The following WEE1 variants were observed in gnomAD, a reference collection of about 807,000 sequenced individuals.
The protein encoded by WEE1 is WEE1 G2 checkpoint kinase.
In WEE1, 16 loss-of-function variants were observed where a neutral mutation model predicts 68.8. The ratio of observed to expected loss-of-function variants is 0.23; its 90% CI spans 0.16 to 0.35. The LOEUF (loss-of-function observed/expected upper bound fraction) is 0.35, where lower values mean the gene tolerates loss of function less well. WEE1 is among the 10% of genes least tolerant of loss of function. WEE1 has a pLI of 1.00. For synonymous variants in WEE1, 349 were observed against 318.7 expected, an observed-to-expected ratio of 1.09 and a Z score of -1.01; for missense variants, 651 against 824.1, an observed-to-expected ratio of 0.79 and a Z score of 2.57.
Position 9,576,777 on chromosome 11 carries a change from T to A in WEE1, c.1019+118T>A. On this transcript the variant is annotated intron_variant, in intron 4 of 10. Coordinates refer to ENST00000450114, the MANE Select transcript of WEE1 (RefSeq NM_003390.4). The surrounding 1 kb of genome is among the most constrained non-coding windows in gnomAD (Gnocchi z 4.3). ...TAACTTTTGAGAAGCTGTAATGATT[T>A]AATCAGGTCCTTTTCACTTAATACC... 9.2e-7 allele frequency: 1 copy of A among 1,091,128 alleles called. No individual in the cohort carries two copies. Among genetic ancestry groups the A allele is most frequent in the Non-Finnish European group, 1.3e-6 (1 of 767,944 alleles). The allele number at this position is 1,091,128 out of a possible 1,614,324, so 67.6% of individuals were successfully genotyped here. A position where few individuals can be genotyped will look rare whatever the true frequency, so the allele number is the denominator to read the frequency against.
chr11:9,586,965 T>C (rs1364446070), intron 10 of WEE1, 109 bp downstream of exon 10: 1 of 1,311,296 alleles, frequency 7.6e-7, no homozygotes, highest in Admixed American at 2.8e-5. Context: ...AGTGGTTTTT[T>C]GTGTTTTTTG....
Position 9,574,292 on chromosome 11 carries a change from G to C in WEE1, c.359G>C (p.Gly120Ala). 7.9e-7 allele frequency: 1 copy of C among 1,258,286 alleles called. No homozygotes were observed. Among genetic ancestry groups the C allele is most frequent in the South Asian group, 3.2e-5 (1 of 31,666 alleles). 77.9% of individuals were successfully genotyped at this position (1,258,286 alleles called of 1,614,324 possible). A position where few individuals can be genotyped will look rare whatever the true frequency, so the allele number is the denominator to read the frequency against. ...EGDSWEEEGF[G>A]SSSPVKSPAA... is the part of the protein sequence containing the mutation. Reference sequence around the variant, plus strand: ...GACTCGTGGGAGGAGGAGGGCTTCGGCTCCTCGTCGCCGGTCAAGTCGCCG... The same window carrying C: ...GACTCGTGGGAGGAGGAGGGCTTCGCCTCCTCGTCGCCGGTCAAGTCGCCG... The change falls in exon 1 of 11, where the codon GGC (glycine) becomes GCC (alanine). Residue 120 changes from glycine to alanine, a missense_variant. Physicochemically the swap from Gly to Ala is moderately conservative, Grantham distance 60. This residue lies in a region of WEE1 where 395 missense variants were observed against 378.4 expected (regional missense o/e 1.04). Coordinates refer to ENST00000450114, the MANE Select transcript of WEE1 (RefSeq NM_003390.4). This position sits in a 1 kb window ranked among gnomAD's most constrained non-coding sequence, Gnocchi z 4.9.
intron 6 of WEE1, among the ~76,000 whole-genome samples, chr11:9,584,710 T>G (rs1367721448): frequency 6.6e-6 from 1 of 152,170 alleles, no homozygotes; most frequent in Non-Finnish European, 1.5e-5. Context: ...CCTTTTTTGC[T>G]GAAGGGTAAT....
Position 9,577,221 on chromosome 11 carries a change from G to A in WEE1, c.1099G>A (p.Ala367Thr). 6.2e-7 allele frequency: 1 copy of A among 1,613,944 alleles called. No homozygotes were observed. The highest frequency in any genetic ancestry group is 8.5e-7 in the Non-Finnish European group (1 of 1,179,870). ...TGTAGTTCGATATTTCTCTGCGTGGGCAGAAGATGATCATATGCTTATACA... is the reference window on the plus strand; with the variant it reads ...TGTAGTTCGATATTTCTCTGCGTGGACAGAAGATGATCATATGCTTATACA... ...SHVVRYFSAW[A>T]EDDHMLIQNE... Residue 367 changes from alanine to threonine, a missense_variant, in exon 5 of 11, where the codon GCA becomes ACA. Coordinates refer to ENST00000450114, the MANE Select transcript of WEE1 (RefSeq NM_003390.4).
intron 6 of WEE1, among the ~76,000 whole-genome samples, chr11:9,583,798 CACACATATATATATATATATAT>C (rs1274843948): frequency 0.013 from 286 of 22,094 alleles, 1 homozygote; most frequent in Middle Eastern, 0.033. Context: ...CACACACACA[CACACATATATATATATATATAT>C]ATATATATAT....
chr11:9,581,487 A>T (rs745905469), intron 5 of WEE1, 45 bp from the exon 6 acceptor site: 1 of 1,548,508 alleles, frequency 6.5e-7, no homozygotes. Flanking sequence ...AAGAAAGAAA[A>T]TATTTCAGAA....
At position 9,585,320 on chromosome 11, in the gene WEE1, G is replaced by T. The variant is rs748540296; in HGVS notation, c.1351G>T (p.Asp451Tyr). The change falls in exon 7 of 11, where the codon GAT becomes TAT. Residue 451 changes from aspartate to tyrosine, a missense_variant. By Grantham distance (160) the Asp-to-Tyr change is radical (BLOSUM62 -3). This residue lies in a region of WEE1 where 82 missense variants were observed against 123.2 expected (regional missense o/e 0.67). Coordinates refer to ENST00000450114, the MANE Select transcript of WEE1 (RefSeq NM_003390.4). ...TGCCTCTGAAGAAGGAGACGAAGAT[G>T]ATTGGGCATCCAACAAAGTTATGTT... is the stretch of plus-strand genomic sequence containing the variant. The part of the protein sequence containing the change: ...NAASEEGDED[D>Y]WASNKVMFKI... 9 of 1,613,958 alleles carry T rather than the reference G, an allele frequency of 5.6e-6. No homozygotes were observed. The East Asian group carries it at 2.0e-4, about 36-fold the overall frequency.
intron 10 of WEE1, among the ~76,000 whole-genome samples, chr11:9,587,752 G>C (rs1849717561): frequency 6.6e-6 from 1 of 152,036 alleles, no homozygotes; most frequent in South Asian, 2.1e-4. Context: ...CAGCCATTTT[G>C]CTTTTAACCT....
rs1306535515 is a variant in WEE1, at chr11:9,574,670, G to A, written c.576+161G>A. On this transcript the variant is annotated intron_variant, in intron 1 of 10. Coordinates refer to ENST00000450114, the MANE Select transcript of WEE1 (RefSeq NM_003390.4). This position sits in a 1 kb window ranked among gnomAD's most constrained non-coding sequence, Gnocchi z 4.9. ...GCCCTTGTGTTTGGCCCTGCCCCGA[G>A]GTTGTCCGTTGAGATTATGTAACTG... 9.0e-7 allele frequency: 1 copy of A among 1,106,752 alleles called. No homozygotes were observed. Among genetic ancestry groups the A allele is most frequent in the Non-Finnish European group, 1.1e-6 (1 of 909,240 alleles). 68.6% of individuals were successfully genotyped at this position (1,106,752 alleles called of 1,614,324 possible).
At chr11:9,585,751 T>C (rs1159807505) in intron 8 of WEE1, among the ~76,000 whole-genome samples, 2 of 152,252 alleles carry the variant, frequency 1.3e-5, no homozygotes, top group Non-Finnish European at 2.9e-5. Flanking sequence ...TGGAACTTTA[T>C]AATGGCATAT....
intron 9 of WEE1, 29 bp downstream of exon 9, chr11:9,586,648 T>C (rs749862601): frequency 1.2e-6 from 2 of 1,613,330 alleles, no homozygotes; most frequent in South Asian, 2.2e-5. Flanking sequence ...AAGCCCTTTA[T>C]TGACATGGTT....
chr11:9,574,014 C>A lies in WEE1; in HGVS notation c.81C>A (p.Phe27Leu), dbSNP rs1849534139. The change falls in exon 1 of 11, where the codon TTC (phenylalanine) becomes TTA (leucine). Residue 27 changes from phenylalanine (F) to leucine (L), a missense_variant. Phe to Leu is a conservative substitution (Grantham distance 22, BLOSUM62 0). This residue lies in a region of WEE1 where 395 missense variants were observed against 378.4 expected (regional missense o/e 1.04). Transcript: ENST00000450114. This position sits in a 1 kb window ranked among gnomAD's most constrained non-coding sequence, Gnocchi z 4.9. Reference sequence around the variant, plus strand: ...GCACCTTGCGGCAGAAGCTGATCTTCTCGCCCTGCAGCGACTGTGAGGAGG... The same window carrying A: ...GCACCTTGCGGCAGAAGCTGATCTTATCGCCCTGCAGCGACTGTGAGGAGG... ...AACTLRQKLI[F>L]SPCSDCEEEE... is the part of the protein sequence containing the mutation. The A allele has an allele frequency of 7.8e-7, 1 of 1,286,188 alleles. No homozygotes were observed. The highest frequency in any genetic ancestry group is 9.8e-7 in the Non-Finnish European group (1 of 1,015,866). The allele number at this position is 1,286,188 out of a possible 1,614,324, so 79.7% of individuals were successfully genotyped here. A position where few individuals can be genotyped will look rare whatever the true frequency, so the allele number is the denominator to read the frequency against.
At chr11:9,575,355 A>C in intron 1 of WEE1, 6 of 990,786 alleles carry the variant, frequency 6.1e-6, no homozygotes, top group Non-Finnish European at 6.0e-6. Flanking sequence ...TAAGGTTAAC[A>C]GGGAAGATGC....
At position 9,589,306 on chromosome 11, in the gene WEE1, A is replaced by G; in HGVS notation, c.*704A>G. ...TTTTTTTCCTTTGAACTTTGAAGCT[A>G]GTGCATTGGAAAAATGCACCCTTTC... On this transcript the variant is annotated 3_prime_UTR_variant, in exon 11 of 11. Coordinates refer to ENST00000450114, the MANE Select transcript of WEE1 (RefSeq NM_003390.4). The G allele has an allele frequency of 1.0e-6, 1 of 983,768 alleles. No individual in the cohort carries two copies. The highest frequency in any genetic ancestry group is 1.2e-6 in the Non-Finnish European group (1 of 829,316). 60.9% of individuals were successfully genotyped at this position (983,768 alleles called of 1,614,324 possible).
chr11:9,581,549 G>T lies in WEE1; in HGVS notation c.1159G>T (p.Ala387Ser), dbSNP rs1381826397. ...TTTGTTAGGTGGAAGTTTAGCTGAT[G>T]CTATAAGTGAAAACTACAGAATCAT... ...EYCNGGSLAD[A>S]ISENYRIMSY... Residue 387 changes from alanine (A) to serine (S), a missense_variant, in exon 6 of 11, where the codon GCT (alanine) becomes TCT (serine). By Grantham distance (99) the Ala-to-Ser change is moderately conservative. Transcript: ENST00000450114. The T allele has an allele frequency of 6.3e-7, 1 of 1,599,392 alleles. No individual in the cohort carries two copies. Among genetic ancestry groups the T allele is most frequent in the Non-Finnish European group, 8.5e-7 (1 of 1,176,990 alleles).
rs1565090741 is a variant in WEE1 at position 9,585,516 on chromosome 11, GTTT to G, written c.1461_1463del (p.Leu488del). 1 of 1,586,974 alleles carries G rather than the reference GTTT, an allele frequency of 6.3e-7. No homozygotes were observed. Among genetic ancestry groups the G allele is most frequent in the Admixed American group, 2.0e-5 (1 of 51,280 alleles). ...CGATAGTCGTTTTCTTGCAAATGAA[GTTT>G]TACAGGAGGTAATTTTTCTTCTCCC... On this transcript the variant is annotated inframe_deletion, in exon 8 of 11. Transcript: ENST00000450114.
In WEE1 at chr11:9,574,041, G is replaced by A. The variant is rs2134337034; in HGVS notation, c.108G>A (p.Glu36=). The change falls in exon 1 of 11, where the codon GAG becomes GAA. Residue 36 remains glutamate, a synonymous_variant. Coordinates refer to ENST00000450114, the MANE Select transcript of WEE1 (RefSeq NM_003390.4). The surrounding 1 kb of genome is among the most constrained non-coding windows in gnomAD (Gnocchi z 4.9). ...CGCCCTGCAGCGACTGTGAGGAGGA[G>A]GAAGAAGAGGAGGAGGAGGAGGGCA... ...IFSPCSDCEE[E]EEEEEEEGSG... is the part of the protein sequence containing the mutation. 1.6e-6 allele frequency: 2 copies of A among 1,262,132 alleles called. No individual in the cohort carries two copies. Among genetic ancestry groups the A allele is most frequent in the East Asian group, 3.2e-5 (1 of 31,456 alleles). 78.2% of individuals were successfully genotyped at this position (1,262,132 alleles called of 1,614,324 possible).
At chr11:9,584,032 G>A (rs191262682) in intron 6 of WEE1, among the ~76,000 whole-genome samples, 187 of 151,064 alleles carry the variant, frequency 1.2e-3, no homozygotes, top group African/African-American at 4.4e-3. Flanking sequence ...TTTTAGTAGA[G>A]ATGGGGTTTT....
intron 6 of WEE1, among the ~76,000 whole-genome samples, chr11:9,583,573 C>T (rs1166122416): frequency 7.0e-6 from 1 of 142,786 alleles, no homozygotes; most frequent in Non-Finnish European, 1.5e-5. Flanking sequence ...TGAGATCGCA[C>T]CACTGCACTC....
Sources: gnomAD v4.1 joint callset for allele counts (sites outside exome capture counted in the v4.1 genomes callset) on GRCh38, gnomAD v4.1.1 for gene constraint, gnomAD v4.1.1 regional missense constraint, Gnocchi (gnomAD v3.1) non-coding constraint, MANE v1.5 for transcripts, NCBI Gene and HGNC (gene_info 2026-07-23, HGNC 2026-07-21) for gene names.